Variants in RAP1GAP2 observed in about 807,000 individuals in gnomAD.
RAP1GAP2 encodes RAP1 GTPase activating protein 2.
A neutral mutation model predicts 95.0 loss-of-function variants in RAP1GAP2; 27 were observed. The observed-to-expected ratio is 0.28, with a 90% confidence interval of 0.21 to 0.39. The LOEUF (loss-of-function observed/expected upper bound fraction) is 0.39, where lower values mean the gene tolerates loss of function less well. Ranked by LOEUF, RAP1GAP2 falls within the 10% of genes least tolerant of loss-of-function variation. The probability of loss-of-function intolerance (pLI) is 1.00; values close to 1 mark genes in which losing one functional copy is unlikely to be tolerated. For missense variants in RAP1GAP2, 771 were observed against 970.0 expected (o/e 0.79, Z 2.72); for synonymous variants, 373 against 380.9 (o/e 0.98, Z 0.24).
At chr17:2,793,227 C>T (rs371700071), upstream of RAP1GAP2, among the ~76,000 whole-genome samples, 21 of 151,026 alleles carry the variant, frequency 1.4e-4, no homozygotes, top group African/African-American at 4.9e-4. Flanking sequence ...GATCTTGGCT[C>T]ACTGCAACCT....
intron 3 of RAP1GAP2, among the ~76,000 whole-genome samples, chr17:2,914,798 T>TC (rs1358698063): frequency 6.7e-6 from 1 of 148,996 alleles, no homozygotes; most frequent in East Asian, 2.0e-4. Context: ...CCACTTCTTT[T>TC]TTTTTTTTTT....
At chr17:2,845,096 C>T (rs2071530427) in intron 2 of RAP1GAP2, among the ~76,000 whole-genome samples, 1 of 152,184 alleles carries the variant, frequency 6.6e-6, no homozygotes, top group Non-Finnish European at 1.5e-5. Context: ...GCACTGACTA[C>T]ATAAGTTCTA....
At chr17:2,799,879 A>C (rs949999350) in intron 1 of RAP1GAP2, among the ~76,000 whole-genome samples, 1 of 152,148 alleles carries the variant, frequency 6.6e-6, no homozygotes, top group Non-Finnish European at 1.5e-5. Context: ...GAGGGCGGGC[A>C]CAGGCTGGGG....
chr17:2,952,027 G>C (rs2034103), intron 3 of RAP1GAP2, among the ~76,000 whole-genome samples: 136,961 of 151,898 alleles, frequency 0.9, 63,049 homozygotes, highest in Non-Finnish European at 1. Context: ...GAGTGAGACT[G>C]TGTCTCAGAA....
intron 2 of RAP1GAP2, among the ~76,000 whole-genome samples, chr17:2,893,510 GT>G (rs1454688098): frequency 5.3e-5 from 8 of 152,158 alleles, no homozygotes; most frequent in Admixed American, 3.3e-4. Flanking sequence ...ATTTTTTATT[GT>G]GATAAATGTT....
chr17:2,991,376 T>A lies in RAP1GAP2; in HGVS notation c.893T>A (p.Ile298Asn), dbSNP rs1391528681. Residue 298 changes from isoleucine to asparagine, a missense_variant, in exon 12 of 25, where the codon ATC becomes AAC. By Grantham distance (149) the Ile-to-Asn change is moderately radical (BLOSUM62 -3). Transcript: ENST00000254695. ...TTCTTGGACCTGCTGGGGGACACGA[T>A]CACACTGCAGGATTTCAAAGGGTGG... ...KEFLDLLGDT[I>N]TLQDFKGFRG... 3 of 1,602,628 alleles carry A rather than the reference T, an allele frequency of 1.9e-6. No individual in the cohort carries two copies. The highest frequency in any genetic ancestry group is 2.6e-6 in the Non-Finnish European group (3 of 1,174,666).
At chr17:2,760,326 GA>G (rs2071220556) in intron 1 of RAP1GAP2, among the ~76,000 whole-genome samples, 1 of 143,396 alleles carries the variant, frequency 7.0e-6, no homozygotes, top group Admixed American at 7.0e-5. Flanking sequence ...AAAGAAAAAA[GA>G]AAAATGGTCT....
At chr17:2,947,869 T>C (rs1345302205) in intron 3 of RAP1GAP2, among the ~76,000 whole-genome samples, 1 of 152,114 alleles carries the variant, frequency 6.6e-6, no homozygotes, top group African/African-American at 2.4e-5. Context: ...TCCCTCTTCA[T>C]CCGGATGAGA....
chr17:2,939,227 C>T (rs1406118400), intron 3 of RAP1GAP2, among the ~76,000 whole-genome samples: 2 of 152,060 alleles, frequency 1.3e-5, no homozygotes, highest in Non-Finnish European at 2.9e-5. Flanking sequence ...GTAGCTGGGA[C>T]TACAGGCATG....
upstream of RAP1GAP2, among the ~76,000 whole-genome samples, chr17:2,772,857 T>TTCTTTC (rs202093042): frequency 1.5e-5 from 2 of 132,564 alleles, no homozygotes; most frequent in African/African-American, 6.0e-5. Context: ...CTTTCTTTCT[T>TTCTTTC]TTTTTTTTTT....
At chr17:2,842,795 G>A (rs888192391) in intron 2 of RAP1GAP2, among the ~76,000 whole-genome samples, 6 of 151,976 alleles carry the variant, frequency 3.9e-5, no homozygotes, top group Non-Finnish European at 8.8e-5. Flanking sequence ...CTGAGACCTC[G>A]CTGTCCCACC....
chr17:3,029,407 C>A lies in RAP1GAP2; in HGVS notation c.2108-1515C>A, dbSNP rs543945739. On this transcript the variant is annotated intron_variant, in intron 22 of 24. Coordinates refer to ENST00000254695, the MANE Select transcript of RAP1GAP2 (RefSeq NM_015085.5). This position sits in a 1 kb window ranked among gnomAD's most constrained non-coding sequence, Gnocchi z 4.4. ...TGGGCTGCTTTTCACCCCCAGCCCA[C>A]GAAAGATGTGCTTGGTACCCACTGG... Among the ~76,000 whole-genome samples, 3 of 152,064 alleles carry A rather than the reference C, an allele frequency of 2.0e-5. No individual in the cohort carries two copies. The highest frequency in any genetic ancestry group is 6.6e-5 in the Admixed American group (1 of 15,260).
chr17:2,795,938 G>A (rs894671386), upstream of RAP1GAP2, among the ~76,000 whole-genome samples: 1 of 152,070 alleles, frequency 6.6e-6, no homozygotes, highest in Non-Finnish European at 1.5e-5. Flanking sequence ...TGCATCCCAC[G>A]TGCCCCTGTG....
chr17:3,009,760 T>C (rs2046452773), intron 17 of RAP1GAP2, among the ~76,000 whole-genome samples: 1 of 152,004 alleles, frequency 6.6e-6, no homozygotes, highest in Non-Finnish European at 1.5e-5. Flanking sequence ...TGATGGACAG[T>C]GGGAGCCCGG....
chr17:2,911,350 A>G (rs1437470246), intron 3 of RAP1GAP2, among the ~76,000 whole-genome samples: 5 of 150,554 alleles, frequency 3.3e-5, no homozygotes, highest in African/African-American at 1.2e-4. Flanking sequence ...TCCCAGCCAG[A>G]GCTCAAACTG....
At chr17:3,015,563 A>T (rs572011904) in intron 17 of RAP1GAP2, among the ~76,000 whole-genome samples, 3 of 152,250 alleles carry the variant, frequency 2.0e-5, no homozygotes, top group Admixed American at 2.0e-4. Context: ...TCACGCTTGT[A>T]ATCCCAGCAC....
chr17:2,870,638 C>T lies in RAP1GAP2; in HGVS notation c.81-34646C>T, dbSNP rs1076164. ...CGTAATATACTTACATCTGCATCTA[C>T]GTCTGTTTCTCTGTATTGTAACAAA... is the stretch of plus-strand genomic sequence containing the variant. On this transcript the variant is annotated intron_variant, in intron 2 of 24. Coordinates refer to ENST00000254695, the MANE Select transcript of RAP1GAP2 (RefSeq NM_015085.5). The surrounding 1 kb of genome is among the most constrained non-coding windows in gnomAD (Gnocchi z 4.4). 0.1 allele frequency among the ~76,000 whole-genome samples: 15,447 copies of T among 152,204 alleles called. 1,765 individuals are homozygous for T. The highest frequency in any genetic ancestry group is 0.58 in the East Asian group (3,019 of 5,164).
chr17:2,821,266 T>C, intron 2 of RAP1GAP2, among the ~76,000 whole-genome samples: 1 of 152,162 alleles, frequency 6.6e-6, no homozygotes, highest in South Asian at 2.1e-4. Flanking sequence ...ATAAAAATAG[T>C]ACATGCTCAC....
At chr17:2,919,381 C>T (rs566516461) in intron 3 of RAP1GAP2, among the ~76,000 whole-genome samples, 59 of 152,304 alleles carry the variant, frequency 3.9e-4, no homozygotes, top group Non-Finnish European at 6.3e-4. Flanking sequence ...TAGACTGAGT[C>T]GAGACTTGGA....
Sources: allele counts gnomAD v4.1 joint callset (sites outside exome capture counted in the v4.1 genomes callset), GRCh38; gene constraint gnomAD v4.1.1; non-coding constraint Gnocchi (gnomAD v3.1); transcripts MANE v1.5; gene names NCBI Gene and HGNC (gene_info 2026-07-23, HGNC 2026-07-21).